The following RBPJ variants were observed in gnomAD, a reference collection of about 807,000 sequenced individuals.
RBPJ encodes the protein recombination signal binding protein for immunoglobulin kappa J region.
Under a neutral mutation model 67.8 loss-of-function variants are expected in RBPJ, and 9 were observed. The observed-to-expected ratio is 0.13, with a 90% CI of 0.08 to 0.23. The LOEUF (loss-of-function observed/expected upper bound fraction) is 0.23. Among genes scored for constraint, RBPJ ranks in the 10% least tolerant of loss-of-function variants. The pLI, the probability that RBPJ is intolerant of heterozygous loss-of-function variation, is 1.00. For synonymous variants in RBPJ, 198 were observed against 203.3 expected (o/e 0.97, Z 0.22); for missense variants, 305 against 595.6 (o/e 0.51, Z 5.08).
intron 1 of RBPJ, among the ~76,000 whole-genome samples, chr4:26,307,218 A>C (rs1316925636): frequency 6.6e-6 from 1 of 152,182 alleles, no homozygotes; most frequent in Non-Finnish European, 1.5e-5. Context: ...GATGTCTGTG[A>C]GAGGGCTTGA....
upstream of RBPJ, among the ~76,000 whole-genome samples, chr4:26,317,763 C>T (rs1722703243): frequency 6.6e-6 from 1 of 152,092 alleles, no homozygotes; most frequent in South Asian, 2.1e-4. Flanking sequence ...GGCAAGGACT[C>T]CAAGGTTCTT....
chr4:26,175,163 GAGCCACGC>G (rs1423010713), intron 1 of RBPJ, among the ~76,000 whole-genome samples: 1 of 152,192 alleles, frequency 6.6e-6, no homozygotes, highest in Non-Finnish European at 1.5e-5. Context: ...GTCTTCTACA[GAGCCACGC>G]TTTCTTGGCC....
intron 1 of RBPJ, among the ~76,000 whole-genome samples, chr4:26,168,254 G>T (rs1442757371): frequency 3.3e-5 from 5 of 152,114 alleles, no homozygotes; most frequent in African/African-American, 9.7e-5. Flanking sequence ...AGGAGCTCTT[G>T]TAGGGCAGGC....
chr4:26,146,429 C>G, the RBPJ span, among the ~76,000 whole-genome samples: 1 of 152,128 alleles, frequency 6.6e-6, no homozygotes, highest in African/African-American at 2.4e-5. Flanking sequence ...ACAACTAAAA[C>G]AAGAAAACAT....
chr4:26,373,090 T>C (rs1729333275), intron 1 of RBPJ, among the ~76,000 whole-genome samples: 1 of 152,192 alleles, frequency 6.6e-6, no homozygotes, highest in Admixed American at 6.5e-5. Flanking sequence ...TAAGTTACAA[T>C]TCAAAAGAAG....
At chr4:26,188,955 T>C (rs148382932) in intron 1 of RBPJ, among the ~76,000 whole-genome samples, 25 of 152,246 alleles carry the variant, frequency 1.6e-4, no homozygotes, top group African/African-American at 5.5e-4. Flanking sequence ...TACAGTATGT[T>C]ATTAAAATTA....
chr4:26,410,619 A>G (rs1733922308), intron 3 of RBPJ, among the ~76,000 whole-genome samples: 1 of 152,216 alleles, frequency 6.6e-6, no homozygotes, highest in African/African-American at 2.4e-5. Flanking sequence ...GTGGCATGCA[A>G]AAAGTTCCTA....
intron 1 of RBPJ, among the ~76,000 whole-genome samples, chr4:26,239,498 C>A (rs1010671808): frequency 6.6e-6 from 1 of 152,204 alleles, no homozygotes; most frequent in Non-Finnish European, 1.5e-5. Context: ...TTGAGGAAAT[C>A]TGTGCTGTGA....
intron 1 of RBPJ, among the ~76,000 whole-genome samples, chr4:26,350,428 C>G (rs1726675705): frequency 6.6e-6 from 1 of 152,184 alleles, no homozygotes; most frequent in South Asian, 2.1e-4. Context: ...AAGGACAAGT[C>G]TTTCCTCATG....
intron 1 of RBPJ, among the ~76,000 whole-genome samples, chr4:26,168,190 T>A (rs1488859792): frequency 6.6e-6 from 1 of 152,242 alleles, no homozygotes; most frequent in African/African-American, 2.4e-5. Context: ...CATTTTGGCA[T>A]GATTTTGCAG....
chr4:26,154,552 T>A, the RBPJ span, among the ~76,000 whole-genome samples: 1 of 152,234 alleles, frequency 6.6e-6, no homozygotes, highest in African/African-American at 2.4e-5. Context: ...TATTCAGACC[T>A]GAACACACAT....
intron 4 of RBPJ, among the ~76,000 whole-genome samples, chr4:26,420,054 T>C (rs1316343060): frequency 6.6e-6 from 1 of 152,188 alleles, no homozygotes; most frequent in African/African-American, 2.4e-5. Context: ...CTCAATCTTA[T>C]AAGTGATTAC....
At chr4:26,142,550 A>G in the RBPJ span, among the ~76,000 whole-genome samples, 1 of 152,198 alleles carries the variant, frequency 6.6e-6, no homozygotes, top group Non-Finnish European at 1.5e-5. Context: ...TCGTGAAGGA[A>G]TCTAAATTGC....
the RBPJ span, among the ~76,000 whole-genome samples, chr4:26,143,101 C>A: frequency 5.9e-5 from 9 of 152,300 alleles, no homozygotes; most frequent in Non-Finnish European, 1.0e-4. Context: ...AAACCTTACA[C>A]TGAAATTAAC....
At chr4:26,419,496 T>A (rs1008176358) in intron 4 of RBPJ, among the ~76,000 whole-genome samples, 18 of 152,210 alleles carry the variant, frequency 1.2e-4, no homozygotes, top group African/African-American at 4.3e-4. Flanking sequence ...GAATAAAATT[T>A]TAAAGATAAA....
chr4:26,152,729 A>G, the RBPJ span, among the ~76,000 whole-genome samples: 2 of 152,272 alleles, frequency 1.3e-5, no homozygotes, highest in Middle Eastern at 3.2e-3. Context: ...TCACTAATCC[A>G]TATTGAATCC....
intron 1 of RBPJ, among the ~76,000 whole-genome samples, chr4:26,184,144 A>T (rs1489786989): frequency 6.6e-6 from 1 of 150,438 alleles, no homozygotes; most frequent in Non-Finnish European, 1.5e-5. Flanking sequence ...ATGGCACCAC[A>T]GCACTCCAGC....
At chr4:26,320,154 T>G (rs1310842749), upstream of RBPJ, among the ~76,000 whole-genome samples, 1 of 152,152 alleles carries the variant, frequency 6.6e-6, no homozygotes, top group Non-Finnish European at 1.5e-5. Context: ...TTTGATCGGG[T>G]CCTCTGGGCA....
chr4:26,315,618 C>A (rs1417147942), upstream of RBPJ, among the ~76,000 whole-genome samples: 1 of 152,070 alleles, frequency 6.6e-6, no homozygotes, highest in Non-Finnish European at 1.5e-5. Flanking sequence ...TCTTAAACAA[C>A]AGAAAACAGG....
Sources: gnomAD v4.1 joint callset for allele counts (sites outside exome capture counted in the v4.1 genomes callset) on GRCh38, gnomAD v4.1.1 for gene constraint, MANE v1.5 for transcripts, NCBI Gene and HGNC (gene_info 2026-07-23, HGNC 2026-07-21) for gene names.